RALYL: variants seen among roughly 807,000 people sequenced by gnomAD.
The protein encoded by RALYL is RALY RNA binding protein like, also known as RNA-binding Raly-like protein.
RALYL carries 29 observed loss-of-function variants against 35.1 expected under a neutral mutation model. That is an observed-to-expected ratio of 0.83 (90% confidence interval 0.61 to 1.13). The LOEUF (loss-of-function observed/expected upper bound fraction) is 1.13, where lower values mean the gene tolerates loss of function less well. Among genes scored for constraint, RALYL ranks in the 50% most tolerant of loss-of-function variants. The probability of loss-of-function intolerance (pLI) is 0.00; values close to 1 mark genes in which losing one functional copy is unlikely to be tolerated. For missense variants in RALYL, 359 were observed against 360.4 expected (o/e 1.00, Z 0.03); for synonymous variants, 120 against 127.6 (o/e 0.94, Z 0.40).
At chr8:84,593,788 C>T (rs1374604322) in intron 2 of RALYL, among the ~76,000 whole-genome samples, 1 of 152,012 alleles carries the variant, frequency 6.6e-6, no homozygotes, top group Admixed American at 6.6e-5. Context: ...TCCTTTGGTA[C>T]GAGATAAAAC....
rs572634856 is a variant in RALYL, at chr8:84,625,432, A to G, written c.256+95855A>G. On this transcript the variant is annotated intron_variant, in intron 2 of 8. Transcript: ENST00000521268. Reference sequence around the variant, plus strand: ...GCACTTTCCAGACAACAGAAATAGAAGAAGTAAAAACACTGTGAAGCACCA... The same window carrying G: ...GCACTTTCCAGACAACAGAAATAGAGGAAGTAAAAACACTGTGAAGCACCA... Among the ~76,000 whole-genome samples, 5 of 151,724 alleles carry G rather than the reference A, an allele frequency of 3.3e-5. No individual in the cohort carries two copies. In the South Asian group the frequency reaches 8.3e-4, roughly 25 times the overall value.
chr8:84,330,212 G>A (rs1846554470), intron 1 of RALYL, among the ~76,000 whole-genome samples: 2 of 151,954 alleles, frequency 1.3e-5, no homozygotes, highest in South Asian at 4.1e-4. Flanking sequence ...TGATTGTAAA[G>A]GTGAGTGAAA....
intron 2 of RALYL, among the ~76,000 whole-genome samples, chr8:84,590,480 C>G (rs1421727436): frequency 6.6e-6 from 1 of 152,094 alleles, no homozygotes; most frequent in Non-Finnish European, 1.5e-5. Flanking sequence ...ATCATTTGTT[C>G]AAACGTAGCA....
intron 1 of RALYL, among the ~76,000 whole-genome samples, chr8:84,369,531 A>C (rs1216064868): frequency 6.6e-6 from 1 of 152,044 alleles, no homozygotes; most frequent in Non-Finnish European, 1.5e-5. Flanking sequence ...CATGAAGGAC[A>C]TTCAAAGAGC....
At chr8:84,692,555 A>G (rs1010906810) in intron 2 of RALYL, among the ~76,000 whole-genome samples, 11 of 152,034 alleles carry the variant, frequency 7.2e-5, no homozygotes, top group African/African-American at 2.2e-4. Flanking sequence ...TCACAAATTA[A>G]TCTATAGATT....
At chr8:84,320,060 G>T (rs577458104) in intron 1 of RALYL, among the ~76,000 whole-genome samples, 2 of 151,774 alleles carry the variant, frequency 1.3e-5, no homozygotes, top group South Asian at 2.1e-4. Context: ...CTTTCTCCAC[G>T]TTTGAATTCC....
intron 1 of RALYL, among the ~76,000 whole-genome samples, chr8:84,284,784 T>C (rs543459287): frequency 2.4e-4 from 37 of 152,214 alleles, no homozygotes; most frequent in Non-Finnish European, 4.7e-4. Context: ...TAGCAGAAGA[T>C]GGTTAGGGCC....
At chr8:84,458,575 T>G (rs536519489) in intron 1 of RALYL, among the ~76,000 whole-genome samples, 1 of 151,852 alleles carries the variant, frequency 6.6e-6, no homozygotes, top group East Asian at 1.9e-4. Flanking sequence ...TTCCTTTCTT[T>G]CTTCTTGAGG....
At chr8:84,243,820 C>T (rs1380313519) in intron 1 of RALYL, among the ~76,000 whole-genome samples, 2 of 152,102 alleles carry the variant, frequency 1.3e-5, no homozygotes, top group Non-Finnish European at 2.9e-5. Context: ...AAGATCATTA[C>T]CTGGCTTCAC....
chr8:84,561,514 A>G lies in RALYL; in HGVS notation c.256+31937A>G, dbSNP rs928325945. The stretch of plus-strand genomic sequence containing the variant: ...CCGTATGCATACTATGTTTTTTCCT[A>G]TACATACATAACAATAATAATCTTC... On this transcript the variant is annotated intron_variant, in intron 2 of 8. Transcript: ENST00000521268. Among the ~76,000 whole-genome samples, 11 of 151,980 alleles carry G rather than the reference A, an allele frequency of 7.2e-5. No homozygotes were observed. The South Asian group carries it at 8.3e-4, about 11-fold the overall frequency.
intron 1 of RALYL, among the ~76,000 whole-genome samples, chr8:84,482,739 GTAGAT>G (rs1457662836): frequency 6.6e-6 from 1 of 151,990 alleles, no homozygotes; most frequent in Non-Finnish European, 1.5e-5. Flanking sequence ...CTCCGTTCTT[GTAGAT>G]TAGATGATCT....
chr8:84,516,252 CATAG>C (rs900186612), intron 1 of RALYL, among the ~76,000 whole-genome samples: 1 of 105,396 alleles, frequency 9.5e-6, no homozygotes, highest in African/African-American at 3.7e-5. Flanking sequence ...GACATATACA[CATAG>C]AGTTTATAAT....
intron 2 of RALYL, among the ~76,000 whole-genome samples, chr8:84,583,389 T>C (rs1008868520): frequency 1.3e-5 from 2 of 152,168 alleles, no homozygotes; most frequent in African/African-American, 2.4e-5. Context: ...AAATCTAACA[T>C]GTTCAGGCAC....
intron 4 of RALYL, among the ~76,000 whole-genome samples, chr8:84,816,488 T>C (rs527847988): frequency 6.6e-6 from 1 of 152,196 alleles, no homozygotes; most frequent in Admixed American, 6.5e-5. Context: ...GCTTATTACA[T>C]TGGTTAAAAA....
intron 1 of RALYL, among the ~76,000 whole-genome samples, chr8:84,268,175 A>T (rs1833674224): frequency 6.6e-6 from 1 of 152,256 alleles, no homozygotes; most frequent in African/African-American, 2.4e-5. Flanking sequence ...GAAATAGGTT[A>T]CATCTTTTTT....
At chr8:84,669,232 G>GT (rs1588894049) in intron 2 of RALYL, among the ~76,000 whole-genome samples, 3 of 152,292 alleles carry the variant, frequency 2.0e-5, no homozygotes, top group African/African-American at 7.2e-5. Flanking sequence ...TTAAACCAAA[G>GT]TAATTCGGCA....
chr8:84,701,909 T>C (rs1840270592), intron 2 of RALYL, among the ~76,000 whole-genome samples: 1 of 152,200 alleles, frequency 6.6e-6, no homozygotes, highest in South Asian at 2.1e-4. Flanking sequence ...TCACCTCACA[T>C]GGCATGTTAT....
At chr8:84,362,290 A>C (rs1047230262) in intron 1 of RALYL, among the ~76,000 whole-genome samples, 2 of 152,168 alleles carry the variant, frequency 1.3e-5, no homozygotes, top group African/African-American at 4.8e-5. Context: ...GCATTATACT[A>C]GCAATAGAGA....
intron 1 of RALYL, among the ~76,000 whole-genome samples, chr8:84,331,418 T>A (rs1482228770): frequency 2.0e-5 from 3 of 152,134 alleles, no homozygotes; most frequent in Non-Finnish European, 4.4e-5. Flanking sequence ...TCCTCATGTC[T>A]TTGGGATTCA....
Sources: allele counts gnomAD v4.1 joint callset (sites outside exome capture counted in the v4.1 genomes callset), GRCh38; gene constraint gnomAD v4.1.1; transcripts MANE v1.5; gene names NCBI Gene and HGNC (gene_info 2026-07-23, HGNC 2026-07-21).